The following SYNPO2 variants were observed in gnomAD, a reference collection of about 807,000 sequenced individuals.
SYNPO2 encodes synaptopodin 2.
Under a neutral mutation model 85.0 loss-of-function variants are expected in SYNPO2, and 56 were observed. That is an observed-to-expected ratio of 0.66 (90% CI 0.53 to 0.82). SYNPO2 has a LOEUF of 0.82. Ranked by LOEUF, SYNPO2 falls within the 40% of genes least tolerant of loss-of-function variation. SYNPO2 has a pLI of 0.00. For missense variants in SYNPO2, 1,575 were observed against 1,534.2 expected (o/e 1.03, Z -0.44); for synonymous variants, 602 against 591.1 (o/e 1.02, Z -0.27).
At chr4:118,962,598 T>C (rs1220144528) in intron 1 of SYNPO2, among the ~76,000 whole-genome samples, 1 of 152,210 alleles carries the variant, frequency 6.6e-6, no homozygotes, top group Non-Finnish European at 1.5e-5. Flanking sequence ...AGGAGAACTT[T>C]GACTATTTTT....
intron 1 of SYNPO2, among the ~76,000 whole-genome samples, chr4:118,913,638 A>T (rs1733213884): frequency 6.7e-6 from 1 of 149,804 alleles, no homozygotes. Flanking sequence ...AATAACATTC[A>T]AGCTCTACAC....
At chr4:119,028,822 G>A (rs536801344) in intron 3 of SYNPO2, among the ~76,000 whole-genome samples, 37 of 151,826 alleles carry the variant, frequency 2.4e-4, no homozygotes, top group South Asian at 6.3e-4. Context: ...AAAAAATTTA[G>A]GGGACTCACA....
At chr4:118,981,445 T>C in intron 1 of SYNPO2, among the ~76,000 whole-genome samples, 1 of 152,186 alleles carries the variant, frequency 6.6e-6, no homozygotes, top group East Asian at 1.9e-4. Flanking sequence ...TCAATGTCAA[T>C]ACCCTCCTCC....
In SYNPO2 at chr4:118,888,913, GACGCT is replaced by G. The variant is rs1732269345; in HGVS notation, c.-123_-119del. On this transcript the variant is annotated 5_prime_UTR_variant, in exon 1 of 5. Transcript: ENST00000307142. ...TGGGGCAGCGGCTGCAGCAGCGGCG[GACGCT>G]CTGCATTACCCAGTCTTGCGTCCTC... is the stretch of plus-strand genomic sequence containing the variant. The G allele has an allele frequency of 3.2e-6, 3 of 938,368 alleles. No individual in the cohort carries two copies. Among genetic ancestry groups the G allele is most frequent in the South Asian group, 2.9e-5 (2 of 69,938 alleles). The allele number at this position is 938,368 out of a possible 1,614,324, so 58.1% of individuals were successfully genotyped here.
At chr4:118,916,749 T>TTTTTTG (rs1733344094) in intron 1 of SYNPO2, among the ~76,000 whole-genome samples, 1 of 141,126 alleles carries the variant, frequency 7.1e-6, no homozygotes, top group Non-Finnish European at 1.5e-5. Context: ...TTTTTTTTTC[T>TTTTTTG]AGAAACAGGG....
Position 118,863,308 on chromosome 4 carries a change from CT to C in SYNPO2, c.12+12373del, listed in dbSNP as rs138040816. Among the ~76,000 whole-genome samples the C allele has an allele frequency of 3.9e-3, 593 of 152,224 alleles. 2 individuals carry two copies. Among genetic ancestry groups the C allele is most frequent in the African/African-American group, 0.014 (569 of 41,552 alleles). On this transcript the variant is annotated intron_variant, in intron 1 of 4. Transcript: ENST00000610556. ...CCCCGATCTTTTGTTTGCTGGAGGA[CT>C]TTTTATTATGGCTTCAATCTTGTTA...
At chr4:118,867,189 G>A (rs574274373) in intron 1 of SYNPO2, among the ~76,000 whole-genome samples, 32 of 152,162 alleles carry the variant, frequency 2.1e-4, no homozygotes, top group African/African-American at 6.5e-4. Context: ...GTTTGCGAAC[G>A]TTTGCTCTAG....
intron 1 of SYNPO2, among the ~76,000 whole-genome samples, chr4:118,902,945 G>C (rs1445355136): frequency 6.6e-6 from 1 of 152,086 alleles, no homozygotes; most frequent in East Asian, 1.9e-4. Context: ...TAAAAAAATA[G>C]ATAATCCTAT....
chr4:119,026,076 T>C (rs916984494), intron 2 of SYNPO2, among the ~76,000 whole-genome samples: 1 of 152,216 alleles, frequency 6.6e-6, no homozygotes, highest in African/African-American at 2.4e-5. Context: ...GCAAGAGTAC[T>C]GGGCTGGGTC....
chr4:118,969,461 C>G (rs1050717323), intron 1 of SYNPO2, among the ~76,000 whole-genome samples: 1 of 152,174 alleles, frequency 6.6e-6, no homozygotes, highest in Admixed American at 6.5e-5. Context: ...TATCCATTAC[C>G]AGTGCTTTCA....
intron 1 of SYNPO2, among the ~76,000 whole-genome samples, chr4:119,007,246 GTATATACATATATA>G (rs1737086459): frequency 9.7e-5 from 3 of 30,872 alleles, no homozygotes; most frequent in African/African-American, 2.3e-4. Context: ...ATATATATAT[GTATATACATATATA>G]TATATATATA....
At position 118,920,420 on chromosome 4, in the gene SYNPO2, C is replaced by T. The variant is rs184075535; in HGVS notation, c.105+31279C>T. ...AAGTCATTGGAGTGAGTGAGATCAC[C>T]CATGTCATAAAAAACAACTTTTATC... On this transcript the variant is annotated intron_variant, in intron 1 of 4. Transcript: ENST00000307142. Among the ~76,000 whole-genome samples the T allele has an allele frequency of 3.6e-3, 544 of 152,062 alleles. 2 individuals carry two copies. Among genetic ancestry groups the T allele is most frequent in the Non-Finnish European group, 6.1e-3 (413 of 67,978 alleles).
chr4:119,021,684 G>A (rs1202543266), intron 1 of SYNPO2, among the ~76,000 whole-genome samples: 1 of 152,156 alleles, frequency 6.6e-6, no homozygotes, highest in East Asian at 1.9e-4. Flanking sequence ...GTAGTCTTAA[G>A]GGAACCAACA....
chr4:118,963,090 A>T (rs7673152), intron 1 of SYNPO2, among the ~76,000 whole-genome samples: 88,096 of 152,032 alleles, frequency 0.58, 25,684 homozygotes, highest in South Asian at 0.69. Flanking sequence ...AGTGAACTCA[A>T]TTTGTATTGC....
At chr4:119,044,102 A>G (rs944605399) in intron 4 of SYNPO2, among the ~76,000 whole-genome samples, 1 of 152,210 alleles carries the variant, frequency 6.6e-6, no homozygotes, top group African/African-American at 2.4e-5. Flanking sequence ...GATTAATGAC[A>G]GACTACAACT....
intron 1 of SYNPO2, among the ~76,000 whole-genome samples, chr4:118,868,305 C>A (rs575686190): frequency 6.6e-6 from 1 of 151,970 alleles, no homozygotes; most frequent in Non-Finnish European, 1.5e-5. Context: ...TAAGAAACAA[C>A]GTATCTCACA....
chr4:118,977,190 G>T (rs1429418171), intron 1 of SYNPO2, among the ~76,000 whole-genome samples: 1 of 152,244 alleles, frequency 6.6e-6, no homozygotes, highest in Non-Finnish European at 1.5e-5. Context: ...CCCAAGGCCT[G>T]CCCCGTGGGA....
At chr4:118,876,937 C>A (rs1731937229) in intron 1 of SYNPO2, among the ~76,000 whole-genome samples, 1 of 151,618 alleles carries the variant, frequency 6.6e-6, no homozygotes, top group South Asian at 2.1e-4. Context: ...ACTATAGGTA[C>A]ATGCCACTAT....
chr4:118,876,699 TTCTTTCTTTCTTTCTTTCTTTCTTTC>T (rs1323150264), intron 1 of SYNPO2, among the ~76,000 whole-genome samples: 1 of 115,910 alleles, frequency 8.6e-6, no homozygotes, highest in Non-Finnish European at 1.9e-5. Flanking sequence ...CTTTCTTTCT[TTCTTTCTTTCTTTCTTTCTTTCTTTC>T]TTTCTTTCTT....
Sources: gnomAD v4.1 joint callset for allele counts (sites outside exome capture counted in the v4.1 genomes callset) on GRCh38, gnomAD v4.1.1 for gene constraint, MANE v1.5 for transcripts, NCBI Gene and HGNC (gene_info 2026-07-23, HGNC 2026-07-21) for gene names.